REEP3: variants seen among roughly 807,000 people sequenced by gnomAD.
The protein encoded by REEP3 is receptor expression-enhancing protein 3.
In REEP3, 20 loss-of-function variants were observed where a neutral mutation model predicts 41.3. That is an observed-to-expected ratio of 0.48 (90% CI 0.34 to 0.70). The LOEUF (loss-of-function observed/expected upper bound fraction) is 0.70, where lower values mean the gene tolerates loss of function less well. REEP3 is among the 30% of genes least tolerant of loss of function. REEP3 has a pLI of 0.01. For missense variants in REEP3, 271 were observed against 308.8 expected (o/e 0.88, Z 0.92); for synonymous variants, 104 against 101.8 (o/e 1.02, Z -0.13).
intron 1 of REEP3, 83 bp from the exon 2 acceptor site, chr10:63,566,255 T>C: frequency 1.4e-6 from 1 of 728,424 alleles, no homozygotes; most frequent in Non-Finnish European, 2.3e-6. Context: ...AATTTACAGT[T>C]ATTTGTTTAT....
intron 1 of REEP3, among the ~76,000 whole-genome samples, chr10:63,536,292 A>G (rs1479304741): frequency 1.3e-5 from 2 of 152,196 alleles, no homozygotes; most frequent in African/African-American, 4.8e-5. Context: ...AATAATTTCT[A>G]TGTGTTTCAT....
At chr10:63,570,250 A>G (rs1955840435) in intron 2 of REEP3, among the ~76,000 whole-genome samples, 1 of 152,194 alleles carries the variant, frequency 6.6e-6, no homozygotes. Context: ...AGGCTATGGA[A>G]GATAATCCAT....
chr10:63,592,219 G>A (rs1589879970), intron 2 of REEP3, among the ~76,000 whole-genome samples: 2 of 152,126 alleles, frequency 1.3e-5, no homozygotes, highest in Non-Finnish European at 2.9e-5. Flanking sequence ...GGGCTTCAAG[G>A]TGGACTGTTC....
chr10:63,592,612 C>T (rs998295814), intron 2 of REEP3, among the ~76,000 whole-genome samples: 3 of 152,074 alleles, frequency 2.0e-5, no homozygotes, highest in Non-Finnish European at 2.9e-5. Context: ...CCTTATGGGC[C>T]GGGCGCGGTG....
chr10:63,576,224 G>T (rs1048604409), intron 2 of REEP3, among the ~76,000 whole-genome samples: 2 of 152,202 alleles, frequency 1.3e-5, no homozygotes, highest in South Asian at 4.1e-4. Context: ...GATCTTCACT[G>T]TAGAGTGATC....
chr10:63,556,834 A>G (rs1270309929), intron 1 of REEP3, among the ~76,000 whole-genome samples: 1 of 148,506 alleles, frequency 6.7e-6, no homozygotes, highest in Non-Finnish European at 1.5e-5. Context: ...ACGGGGTTTC[A>G]CCGTTTTAGC....
chr10:63,550,112 C>A (rs1564475861), intron 1 of REEP3, among the ~76,000 whole-genome samples: 1 of 152,144 alleles, frequency 6.6e-6, no homozygotes, highest in Non-Finnish European at 1.5e-5. Flanking sequence ...ATGGCGTGAG[C>A]CCAAATGTGT....
At chr10:63,527,952 T>G (rs1955382191) in intron 1 of REEP3, among the ~76,000 whole-genome samples, 1 of 8,514 alleles carries the variant, frequency 1.2e-4, no homozygotes, top group South Asian at 9.4e-3. Context: ...TGCTTTTTTT[T>G]GTTTTTTTTT....
intron 5 of REEP3, among the ~76,000 whole-genome samples, chr10:63,604,335 T>C (rs548309050): frequency 1.1e-4 from 17 of 152,350 alleles, no homozygotes; most frequent in African/African-American, 3.6e-4. Context: ...CAGCATTCCA[T>C]AGCTTTTCAC....
At chr10:63,610,126 A>T in intron 5 of REEP3, 61 bp from the exon 6 acceptor site, 1 of 1,345,376 alleles carries the variant, frequency 7.4e-7, no homozygotes, top group Non-Finnish European at 1.0e-6. Context: ...ATGTTCAGGG[A>T]TAGTTAAATG....
chr10:63,572,148 G>A (rs1346639403), intron 2 of REEP3, among the ~76,000 whole-genome samples: 2 of 151,992 alleles, frequency 1.3e-5, no homozygotes, highest in Admixed American at 6.6e-5. Context: ...TGAAAATTCT[G>A]TAAAGTTCCT....
chr10:63,544,293 A>C (rs1044090153), intron 1 of REEP3, among the ~76,000 whole-genome samples: 5 of 152,232 alleles, frequency 3.3e-5, no homozygotes, highest in Non-Finnish European at 7.3e-5. Flanking sequence ...TTAATGAGAA[A>C]GCAAGGAAAG....
chr10:63,546,666 C>T (rs1955581033), intron 1 of REEP3, among the ~76,000 whole-genome samples: 1 of 152,108 alleles, frequency 6.6e-6, no homozygotes. Flanking sequence ...AAGATGGACA[C>T]ATAGATCAAT....
intron 2 of REEP3, among the ~76,000 whole-genome samples, chr10:63,583,632 A>G (rs1385152123): frequency 6.6e-6 from 1 of 152,184 alleles, no homozygotes; most frequent in Non-Finnish European, 1.5e-5. Flanking sequence ...CAAGAGAAAG[A>G]AGGAAGTAGG....
At chr10:63,561,315 ATTTAGAAG>A (rs1439583256) in intron 1 of REEP3, among the ~76,000 whole-genome samples, 3 of 152,222 alleles carry the variant, frequency 2.0e-5, no homozygotes, top group Non-Finnish European at 2.9e-5. Context: ...AATAGCGGTA[ATTTAGAAG>A]TTTATGGAGG....
intron 5 of REEP3, 109 bp from the exon 6 acceptor site, chr10:63,610,078 T>C: frequency 1.0e-6 from 1 of 953,884 alleles, no homozygotes; most frequent in Non-Finnish European, 1.5e-6. Flanking sequence ...GTGTTCATTG[T>C]ACAATTCTTT....
chr10:63,523,444 G>A (rs961682832), intron 1 of REEP3, among the ~76,000 whole-genome samples: 10 of 152,138 alleles, frequency 6.6e-5, no homozygotes, highest in African/African-American at 1.9e-4. Flanking sequence ...ACCAGCCTGG[G>A]CAACATAGCG....
intron 5 of REEP3, among the ~76,000 whole-genome samples, chr10:63,609,910 T>A (rs971706407): frequency 1.3e-5 from 2 of 152,216 alleles, no homozygotes; most frequent in African/African-American, 2.4e-5. Flanking sequence ...ATACATCTTT[T>A]ACATTTTAAA....
At chr10:63,563,664 G>T (rs954318432) in intron 1 of REEP3, among the ~76,000 whole-genome samples, 5 of 151,674 alleles carry the variant, frequency 3.3e-5, no homozygotes. Context: ...ACTCAAGCAT[G>T]GGCTGTGCAT....
Sources: gnomAD v4.1 joint callset for allele counts (sites outside exome capture counted in the v4.1 genomes callset) on GRCh38, gnomAD v4.1.1 for gene constraint, MANE v1.5 for transcripts, NCBI Gene and HGNC (gene_info 2026-07-23, HGNC 2026-07-21) for gene names.